Variants in PCDHGA3 observed in about 807,000 individuals in gnomAD.
The protein encoded by PCDHGA3 is protocadherin gamma subfamily A, 3.
In PCDHGA3, 40 loss-of-function variants were observed where a neutral mutation model predicts 58.5. That is an observed-to-expected ratio of 0.68 (90% confidence interval 0.53 to 0.89). The LOEUF is 0.89. Among genes scored for constraint, PCDHGA3 ranks in the 40% least tolerant of loss-of-function variants. PCDHGA3 has a pLI of 0.00. For synonymous variants in PCDHGA3, 530 were observed against 525.7 expected (o/e 1.01, Z -0.11); for missense variants, 1,223 against 1,195.9 (o/e 1.02, Z -0.33).
chr5:141,491,293 C>T lies in PCDHGA3; in HGVS notation c.2425-3514C>T. On this transcript the variant is annotated intron_variant, in intron 1 of 3. Transcript: ENST00000253812. This position sits in a 1 kb window ranked among gnomAD's most constrained non-coding sequence, Gnocchi z 6.9. Reference sequence around the variant, plus strand: ...ATCCAGTGACTTCCTCATACACCCTCCTGAGCGTTCAGACCTTACCCTTTA... The same window carrying T: ...ATCCAGTGACTTCCTCATACACCCTTCTGAGCGTTCAGACCTTACCCTTTA... 6.2e-7 allele frequency: 1 copy of T among 1,614,166 alleles called. No homozygotes were observed. The highest frequency in any genetic ancestry group is 1.3e-5 in the African/African-American group (1 of 75,058).
At chr5:141,419,962 G>A in intron 1 of PCDHGA3, 1 of 1,614,092 alleles carries the variant, frequency 6.2e-7, no homozygotes, top group African/African-American at 1.3e-5. Context: ...TGATTTCTGT[G>A]CTCTTTCTCC....
intron 1 of PCDHGA3, chr5:141,393,206 A>C (rs774279389): frequency 1.2e-6 from 2 of 1,613,470 alleles, no homozygotes; most frequent in African/African-American, 1.3e-5. Context: ...ATAATAACCC[A>C]AAATTCCAGG....
Position 141,393,014 on chromosome 5 carries a change from C to T in PCDHGA3, c.2424+46557C>T, listed in dbSNP as rs761990025. The T allele has an allele frequency of 1.9e-6, 3 of 1,613,736 alleles. No homozygotes were observed. The African/African-American group carries it at 4.0e-5, about 22-fold the overall frequency. On this transcript the variant is annotated intron_variant, in intron 1 of 3. Transcript: ENST00000253812. ...TGGCGAAGCACGGAGTCCGTATCGT[C>T]TCCAGAGGTAGGACGCAGCTCTTTG... is the stretch of plus-strand genomic sequence containing the variant.
intron 3 of PCDHGA3, among the ~76,000 whole-genome samples, chr5:141,509,069 G>A (rs1463164307): frequency 2.6e-5 from 4 of 152,174 alleles, no homozygotes; most frequent in African/African-American, 9.7e-5. Context: ...CTCAGCTCCG[G>A]GGATTTGCGA....
At chr5:141,419,889 A>T in intron 1 of PCDHGA3, 1 of 1,614,084 alleles carries the variant, frequency 6.2e-7, no homozygotes, top group Middle Eastern at 1.6e-4. Flanking sequence ...GATTTCAGCG[A>T]CCATCCCACA....
At chr5:141,352,393 G>A (rs1357772076) in intron 1 of PCDHGA3, 3 of 1,613,936 alleles carry the variant, frequency 1.9e-6, no homozygotes, top group Admixed American at 3.3e-5. Context: ...CCCTGCGCCT[G>A]CGACGTTCCT....
At chr5:141,378,415 C>G (rs62378442) in intron 1 of PCDHGA3, 5,215 of 152,332 alleles carry the variant, frequency 0.034, 104 homozygotes, top group Middle Eastern at 0.088. Context: ...CGCAGCTACT[C>G]GGGAGGCTGA....
chr5:141,482,205 C>A (rs1478729653), intron 1 of PCDHGA3, among the ~76,000 whole-genome samples: 1 of 151,896 alleles, frequency 6.6e-6, no homozygotes, highest in Non-Finnish European at 1.5e-5. Context: ...TAAAACAGAC[C>A]AGGTACTTGT....
intron 1 of PCDHGA3, among the ~76,000 whole-genome samples, chr5:141,463,948 C>A (rs1397198849): frequency 6.6e-6 from 1 of 151,846 alleles, no homozygotes; most frequent in Non-Finnish European, 1.5e-5. Context: ...TAGAAATCTT[C>A]ATTTTTAAAA....
intron 1 of PCDHGA3, chr5:141,415,938 C>T (rs1351429284): frequency 3.4e-6 from 2 of 588,200 alleles, no homozygotes; most frequent in East Asian, 4.2e-5. Context: ...ATATTTCCTC[C>T]TGGGTGGTCA....
At chr5:141,423,095 A>G (rs2096708889) in intron 1 of PCDHGA3, 3 of 1,613,978 alleles carry the variant, frequency 1.9e-6, no homozygotes, top group Non-Finnish European at 2.5e-6. Flanking sequence ...GTGGGGGAGC[A>G]CACGGGCGAG....
At chr5:141,399,705 C>G in intron 1 of PCDHGA3, 1 of 1,613,470 alleles carries the variant, frequency 6.2e-7, no homozygotes. Flanking sequence ...CCTTCGAACT[C>G]ACACTACAGG....
chr5:141,477,438 C>G lies in PCDHGA3; in HGVS notation c.2425-17369C>G. 6.2e-7 allele frequency: 1 copy of G among 1,614,174 alleles called. No homozygotes were observed. Among genetic ancestry groups the G allele is most frequent in the Non-Finnish European group, 8.5e-7 (1 of 1,180,030 alleles). On this transcript the variant is annotated intron_variant, in intron 1 of 3. Coordinates refer to ENST00000253812, the MANE Select transcript of PCDHGA3 (RefSeq NM_018916.4). The surrounding 1 kb of genome is among the most constrained non-coding windows in gnomAD (Gnocchi z 4.9). ...GGAACCCCTTCCCTCTCAGCCCTTACAATAGTGCGTGTTCAAGTGTCCGAC... is the reference window on the plus strand; with the variant it reads ...GGAACCCCTTCCCTCTCAGCCCTTAGAATAGTGCGTGTTCAAGTGTCCGAC...
intron 1 of PCDHGA3, chr5:141,410,115 C>G (rs1361621262): frequency 6.2e-7 from 1 of 1,612,624 alleles, no homozygotes; most frequent in African/African-American, 1.3e-5. Flanking sequence ...AGGGACGCAG[C>G]CCGCCAGCGC....
intron 1 of PCDHGA3, chr5:141,385,444 G>C: frequency 6.9e-7 from 1 of 1,448,588 alleles, no homozygotes; most frequent in East Asian, 2.5e-5. Context: ...GTAAAAATGA[G>C]TTTACCAGTT....
intron 2 of PCDHGA3, among the ~76,000 whole-genome samples, chr5:141,502,408 G>A (rs1197275813): frequency 6.6e-6 from 1 of 151,782 alleles, no homozygotes; most frequent in Non-Finnish European, 1.5e-5. Context: ...CCCGAACCTG[G>A]ATTTGCTGGC....
chr5:141,380,878 G>C (rs1776818511), intron 1 of PCDHGA3, among the ~76,000 whole-genome samples: 1 of 152,198 alleles, frequency 6.6e-6, no homozygotes, highest in African/African-American at 2.4e-5. Flanking sequence ...CTCCAAACAT[G>C]AAAGTTTGTT....
chr5:141,375,462 A>G, intron 1 of PCDHGA3: 2 of 1,613,908 alleles, frequency 1.2e-6, no homozygotes, highest in Non-Finnish European at 1.7e-6. Flanking sequence ...TACTCAGTCT[A>G]TGTCCTTGAA....
chr5:141,415,649 A>G (rs1179309556), intron 1 of PCDHGA3: 1 of 1,597,606 alleles, frequency 6.3e-7, no homozygotes, highest in Non-Finnish European at 8.5e-7. Context: ...GTTAAAAAAA[A>G]AAAGATTGGT....
Sources: gnomAD v4.1 joint callset for allele counts (sites outside exome capture counted in the v4.1 genomes callset) on GRCh38, gnomAD v4.1.1 for gene constraint, Gnocchi (gnomAD v3.1) non-coding constraint, MANE v1.5 for transcripts, NCBI Gene and HGNC (gene_info 2026-07-23, HGNC 2026-07-21) for gene names.